Variants in MMP26 observed in about 807,000 individuals in gnomAD.
MMP26 encodes the protein matrix metallopeptidase 26, also known as matrix metalloproteinase-26.
In MMP26, 33 loss-of-function variants were observed where a neutral mutation model predicts 31.0. The observed-to-expected ratio is 1.06, with a 90% CI of 0.81 to 1.42. The LOEUF (loss-of-function observed/expected upper bound fraction) is 1.42. Among genes scored for constraint, MMP26 ranks in the 40% most tolerant of loss-of-function variants. The pLI, the probability that MMP26 is intolerant of heterozygous loss-of-function variation, is 0.00. For missense variants in MMP26, 347 were observed against 316.1 expected, an observed-to-expected ratio of 1.10 and a Z score of -0.74; for synonymous variants, 122 against 114.9, an observed-to-expected ratio of 1.06 and a Z score of -0.40.
chr11:4,917,202 G>T (rs1851109865), intron 2 of MMP26, among the ~76,000 whole-genome samples: 1 of 152,048 alleles, frequency 6.6e-6, no homozygotes, highest in Admixed American at 6.6e-5. Context: ...ATAGTAACTT[G>T]GTGCAGGTTT....
intron 2 of MMP26, chr11:4,859,465 C>T (rs960522471): frequency 5.8e-6 from 2 of 345,372 alleles, no homozygotes; most frequent in South Asian, 4.5e-5. Context: ...CAATAATGAC[C>T]TGTTATGTAT....
chr11:4,726,565 C>T lies in MMP26; in HGVS notation c.-217+21520C>T, dbSNP rs140980408. On this transcript the variant is annotated intron_variant, in intron 1 of 7. Coordinates refer to ENST00000380390, the MANE Select transcript of MMP26 (RefSeq NM_021801.5). ...AAGATATGAGTGTGTGAAAGAGAAG[C>T]GAAGCCAATGAAGCTTCTCTCTAGA... Among the ~76,000 whole-genome samples, 1,417 of 152,156 alleles carry T rather than the reference C, an allele frequency of 9.3e-3. 73 individuals carry two copies. Among genetic ancestry groups the T allele is most frequent in the Admixed American group, 0.075 (1,142 of 15,278 alleles).
chr11:4,917,151 G>GT (rs11400118), intron 2 of MMP26, among the ~76,000 whole-genome samples: 117,850 of 152,020 alleles, frequency 0.78, 45,811 homozygotes, highest in East Asian at 0.92. Flanking sequence ...TGCCAAGAAT[G>GT]TTTTTTTGCA....
At chr11:4,762,817 T>C (rs950695880) in intron 1 of MMP26, among the ~76,000 whole-genome samples, 4 of 152,084 alleles carry the variant, frequency 2.6e-5, no homozygotes, top group African/African-American at 4.8e-5. Flanking sequence ...TCCAAGAACA[T>C]TGTGTGTTAT....
intron 2 of MMP26, among the ~76,000 whole-genome samples, chr11:4,986,932 C>CTCTCTCTCTCCCTCTCTCT (rs1564819722): frequency 8.3e-5 from 5 of 60,448 alleles, no homozygotes; most frequent in African/African-American, 1.4e-4. Context: ...TCTCTCTCTC[C>CTCTCTCTCTCCCTCTCTCT]CTCTCTCTCT....
chr11:4,963,659 T>G (rs899312958), intron 2 of MMP26, among the ~76,000 whole-genome samples: 2 of 152,186 alleles, frequency 1.3e-5, no homozygotes, highest in African/African-American at 2.4e-5. Context: ...CCTGACTTCT[T>G]TTGAAGCATG....
chr11:4,836,967 G>A (rs12793428), intron 2 of MMP26, among the ~76,000 whole-genome samples: 35,192 of 151,568 alleles, frequency 0.23, 5,094 homozygotes, highest in African/African-American at 0.4. Flanking sequence ...CTCTTTTTTA[G>A]AGCAATATAT....
chr11:4,909,124 T>C (rs1053246272), intron 2 of MMP26: 35 of 152,274 alleles, frequency 2.3e-4, no homozygotes, highest in African/African-American at 8.4e-4. Flanking sequence ...TTCTGTGATT[T>C]AGTCTTTCCC....
intron 2 of MMP26, among the ~76,000 whole-genome samples, chr11:4,786,493 CTTTTTTTTTTTT>C (rs66987352): frequency 0.18 from 11,040 of 60,488 alleles, 670 homozygotes; most frequent in Middle Eastern, 0.29. Flanking sequence ...TCTGCTGATC[CTTTTTTTTTTTT>C]TTTTTTTTTT....
At chr11:4,748,345 A>G (rs1422670339) in intron 1 of MMP26, among the ~76,000 whole-genome samples, 2 of 152,112 alleles carry the variant, frequency 1.3e-5, no homozygotes, top group African/African-American at 4.8e-5. Context: ...ATGGATTAAC[A>G]GCCAAATTCT....
chr11:4,817,822 A>G (rs1475112650), intron 2 of MMP26, among the ~76,000 whole-genome samples: 1 of 152,134 alleles, frequency 6.6e-6, no homozygotes, highest in Non-Finnish European at 1.5e-5. Context: ...GTTGGGTTAT[A>G]TGCAGGGCTT....
intron 2 of MMP26, among the ~76,000 whole-genome samples, chr11:4,782,147 G>A (rs1379508567): frequency 6.6e-6 from 1 of 152,182 alleles, no homozygotes; most frequent in Admixed American, 6.5e-5. Context: ...TGGGTAACAG[G>A]CAGAGGTTCG....
intron 2 of MMP26, among the ~76,000 whole-genome samples, chr11:4,931,401 G>A (rs181254046): frequency 6.6e-6 from 1 of 152,148 alleles, no homozygotes; most frequent in African/African-American, 2.4e-5. Flanking sequence ...CTAGAGATTT[G>A]CTCATGGCTG....
intron 1 of MMP26, among the ~76,000 whole-genome samples, chr11:4,738,071 G>A (rs11033621): frequency 0.17 from 26,402 of 151,962 alleles, 2,767 homozygotes; most frequent in African/African-American, 0.3. Flanking sequence ...AGGACTACAG[G>A]TGTAAGCCAC....
intron 2 of MMP26, among the ~76,000 whole-genome samples, chr11:4,963,398 T>G (rs1846547695): frequency 6.6e-6 from 1 of 152,156 alleles, no homozygotes; most frequent in South Asian, 2.1e-4. Flanking sequence ...AAATTTCATA[T>G]GGAACCAAAT....
chr11:4,726,769 G>A (rs572633141), intron 1 of MMP26, among the ~76,000 whole-genome samples: 1 of 152,306 alleles, frequency 6.6e-6, no homozygotes, highest in African/African-American at 2.4e-5. Flanking sequence ...CACTTTGGGA[G>A]GCCAAGGTGG....
At chr11:4,825,472 C>G (rs978770839) in intron 2 of MMP26, among the ~76,000 whole-genome samples, 8 of 152,052 alleles carry the variant, frequency 5.3e-5, no homozygotes, top group Non-Finnish European at 7.4e-5. Context: ...TACAGAGAAC[C>G]TTTGATTTTC....
At chr11:4,746,810 G>C (rs1302645883) in intron 1 of MMP26, among the ~76,000 whole-genome samples, 1 of 146,534 alleles carries the variant, frequency 6.8e-6, no homozygotes, top group East Asian at 2.0e-4. Context: ...CTCCAGCCTG[G>C]GCAACAAGAG....
chr11:4,866,392 T>A (rs1850234881), intron 2 of MMP26, among the ~76,000 whole-genome samples: 1 of 152,142 alleles, frequency 6.6e-6, no homozygotes, highest in African/African-American at 2.4e-5. Flanking sequence ...CCATGATACC[T>A]TGTTTATAAC....
Sources: allele counts gnomAD v4.1 joint callset (sites outside exome capture counted in the v4.1 genomes callset), GRCh38; gene constraint gnomAD v4.1.1; transcripts MANE v1.5; gene names NCBI Gene and HGNC (gene_info 2026-07-23, HGNC 2026-07-21).